The following ACSM3 variants were observed in gnomAD, a reference collection of about 807,000 sequenced individuals.
The protein encoded by ACSM3 is acyl-CoA synthetase medium chain family member 3.
ACSM3 carries 61 observed loss-of-function variants against 74.1 expected under a neutral mutation model. That is an observed-to-expected ratio of 0.82 (90% CI 0.67 to 1.02). The LOEUF is 1.02. ACSM3 is among the 50% of genes least tolerant of loss of function. ACSM3 has a pLI of 0.00. For synonymous variants in ACSM3, 213 were observed against 241.5 expected, an observed-to-expected ratio of 0.88 and a Z score of 1.09; for missense variants, 660 against 697.0, an observed-to-expected ratio of 0.95 and a Z score of 0.60.
chr16:20,779,741 C>T (rs1170481078), intron 4 of ACSM3: 2 of 155,542 alleles, frequency 1.3e-5, no homozygotes, highest in East Asian at 3.8e-4. Context: ...TTGTGGGAAA[C>T]AGAAAAGCCA....
upstream of ACSM3, among the ~76,000 whole-genome samples, chr16:20,759,540 A>T (rs995519132): frequency 7.5e-5 from 11 of 145,864 alleles, no homozygotes; most frequent in African/African-American, 2.9e-4. Flanking sequence ...AGCCTGGGTG[A>T]CACAGCAAGA....
chr16:20,775,194 A>G (rs1430478777), intron 2 of ACSM3, among the ~76,000 whole-genome samples: 1 of 152,126 alleles, frequency 6.6e-6, no homozygotes, highest in African/African-American at 2.4e-5. Flanking sequence ...TGCAGGGGCA[A>G]TTGGCCCCAG....
intron 1 of ACSM3, chr16:20,766,493 A>AG (rs1180805969): frequency 6.6e-6 from 1 of 152,216 alleles, no homozygotes; most frequent in Non-Finnish European, 1.5e-5. Context: ...TGCTTAGCAC[A>AG]GGAGGATTGC....
At chr16:20,714,955 T>G (rs1222162758) in intron 1 of ACSM3, among the ~76,000 whole-genome samples, 1 of 152,232 alleles carries the variant, frequency 6.6e-6, no homozygotes, top group Non-Finnish European at 1.5e-5. Context: ...CAGATTGTGA[T>G]GTCTTTTCTT....
chr16:20,762,692 G>GA (rs1349793255), upstream of ACSM3, among the ~76,000 whole-genome samples: 1 of 152,096 alleles, frequency 6.6e-6, no homozygotes. Context: ...AACTGATGCA[G>GA]AAAAAACACT....
At chr16:20,745,012 TTA>T (rs1467222491) in intron 1 of ACSM3, among the ~76,000 whole-genome samples, 1 of 152,178 alleles carries the variant, frequency 6.6e-6, no homozygotes, top group Non-Finnish European at 1.5e-5. Context: ...AGTCTAGACG[TTA>T]GTTATCTAAA....
chr16:20,751,127 G>A (rs532485645), intron 2 of ACSM3, among the ~76,000 whole-genome samples: 1 of 152,240 alleles, frequency 6.6e-6, no homozygotes, highest in East Asian at 1.9e-4. Flanking sequence ...TGCCCAGTTG[G>A]TGTCAGATTT....
intron 1 of ACSM3, chr16:20,739,174 TG>T (rs2079896354): frequency 1.7e-6 from 2 of 1,157,390 alleles, no homozygotes; most frequent in South Asian, 1.6e-5. Flanking sequence ...GGCTCAGTAT[TG>T]ATTTTTTTTT....
intron 2 of ACSM3, among the ~76,000 whole-genome samples, chr16:20,750,617 A>T (rs1375040532): frequency 6.6e-6 from 1 of 152,166 alleles, no homozygotes; most frequent in Non-Finnish European, 1.5e-5. Context: ...TTAAGCAAAA[A>T]ATTCTGCATC....
At chr16:20,727,363 G>C (rs895162681) in intron 1 of ACSM3, 12 of 588,876 alleles carry the variant, frequency 2.0e-5, no homozygotes, top group Non-Finnish European at 3.5e-5. Context: ...AAGAGGCTGC[G>C]GCACTGCTTG....
intron 10 of ACSM3, 45 bp from the exon 11 acceptor site, chr16:20,791,956 GA>G (rs1377081629): frequency 6.3e-7 from 1 of 1,586,052 alleles, no homozygotes; most frequent in East Asian, 2.2e-5. Context: ...CAATTGACCA[GA>G]AGAGTTGGAT....
At chr16:20,680,773 C>T (rs1325483834) in intron 1 of ACSM3, 1 of 152,236 alleles carries the variant, frequency 6.6e-6, no homozygotes, top group African/African-American at 2.4e-5. Flanking sequence ...TACCCTAAGC[C>T]ACACTTGGCA....
At chr16:20,759,996 G>A (rs1376301890), upstream of ACSM3, among the ~76,000 whole-genome samples, 7 of 152,142 alleles carry the variant, frequency 4.6e-5, no homozygotes, top group Admixed American at 3.3e-4. Flanking sequence ...GCCAGTAGGG[G>A]CAGCTACAGG....
intron 4 of ACSM3, chr16:20,779,725 ACT>A (rs1311467369): frequency 6.6e-6 from 1 of 151,760 alleles, no homozygotes; most frequent in East Asian, 2.0e-4. Flanking sequence ...AACTATGTAG[ACT>A]CTCTTGTGGG....
intron 1 of ACSM3, among the ~76,000 whole-genome samples, chr16:20,701,203 T>C (rs2079711821): frequency 6.6e-6 from 1 of 152,148 alleles, no homozygotes; most frequent in Non-Finnish European, 1.5e-5. Flanking sequence ...ACTTGAATCA[T>C]GATTTTATTT....
At chr16:20,740,946 G>A (rs577208935) in intron 1 of ACSM3, among the ~76,000 whole-genome samples, 1 of 152,308 alleles carries the variant, frequency 6.6e-6, no homozygotes, top group South Asian at 2.1e-4. Context: ...TCAGCACACC[G>A]CCTGGCCCTC....
chr16:20,738,827 C>A, intron 1 of ACSM3: 1 of 1,541,770 alleles, frequency 6.5e-7, no homozygotes, highest in Non-Finnish European at 8.8e-7. Flanking sequence ...ATTTTGTAAG[C>A]AGTATTCCCT....
intron 13 of ACSM3, 165 bp from the exon 14 acceptor site, chr16:20,796,721 A>G: frequency 6.7e-7 from 1 of 1,489,774 alleles, no homozygotes; most frequent in Admixed American, 2.8e-5. Flanking sequence ...TATCAAGACA[A>G]CTTTCCTAAC....
At chr16:20,728,481 G>C in intron 1 of ACSM3, 3 of 1,180,064 alleles carry the variant, frequency 2.5e-6, no homozygotes, top group Non-Finnish European at 3.7e-6. Flanking sequence ...TTTCTTCTCT[G>C]AATATGTGAT....
Sources: allele counts gnomAD v4.1 joint callset (sites outside exome capture counted in the v4.1 genomes callset), GRCh38; gene constraint gnomAD v4.1.1; transcripts MANE v1.5; gene names NCBI Gene and HGNC (gene_info 2026-07-23, HGNC 2026-07-21).